Variants in UNC13C observed in about 807,000 individuals in gnomAD.
UNC13C encodes the protein unc-13 homolog C.
UNC13C carries 174 observed loss-of-function variants against 245.4 expected under a neutral mutation model. The observed-to-expected ratio is 0.71, with a 90% CI of 0.63 to 0.80. The LOEUF (loss-of-function observed/expected upper bound fraction) is 0.80. Ranked by LOEUF, UNC13C falls within the 30% of genes least tolerant of loss-of-function variation. The pLI is 0.00. For synonymous variants in UNC13C, 992 were observed against 895.1 expected (o/e 1.11, Z -1.93); for missense variants, 2,829 against 2,602.9 (o/e 1.09, Z -1.89).
At position 54,623,883 on chromosome 15, in the gene UNC13C, C is replaced by CAAG. The variant is rs1242426702; in HGVS notation, c.6293_6295dup (p.Lys2098dup). ...GTATACTGGGACCCAACCTTGGAGA[C>CAAG]AAGAAGAGAAAACAAGGCACAAAAA... On this transcript the variant is annotated inframe_insertion, in exon 32 of 33. Coordinates refer to ENST00000260323, the MANE Select transcript of UNC13C (RefSeq NM_001080534.3). 7 of 1,612,988 alleles carry CAAG rather than the reference C, an allele frequency of 4.3e-6. No homozygotes were observed. In the African/African-American group the frequency reaches 9.4e-5, roughly 22 times the overall value.
chr15:54,485,830 G>T (rs988882100), intron 19 of UNC13C, among the ~76,000 whole-genome samples: 2 of 152,112 alleles, frequency 1.3e-5, no homozygotes, highest in Non-Finnish European at 2.9e-5. Flanking sequence ...CACCAGGAAT[G>T]CTCTTCCAGA....
At chr15:53,935,281 G>A in the UNC13C span, among the ~76,000 whole-genome samples, 1 of 151,932 alleles carries the variant, frequency 6.6e-6, no homozygotes, top group Admixed American at 6.6e-5. Flanking sequence ...AATGTATGAA[G>A]GGCATTTCTC....
chr15:54,042,265 T>G (rs1595756351), intron 2 of UNC13C, among the ~76,000 whole-genome samples: 1 of 152,146 alleles, frequency 6.6e-6, no homozygotes, highest in East Asian at 1.9e-4. Context: ...ACATAAAGCA[T>G]GAAATGAAAA....
At chr15:54,359,154 C>T (rs11857277) in intron 17 of UNC13C, among the ~76,000 whole-genome samples, 71,016 of 151,642 alleles carry the variant, frequency 0.47, 16,983 homozygotes, top group East Asian at 0.74. Context: ...GTTGAACCCT[C>T]CTTGTATTCC....
At chr15:53,893,294 C>T in the UNC13C span, among the ~76,000 whole-genome samples, 2 of 152,202 alleles carry the variant, frequency 1.3e-5, no homozygotes, top group East Asian at 3.9e-4. Flanking sequence ...CTGTCAGCCC[C>T]TACTGGGAGT....
At chr15:53,873,538 T>C in the UNC13C span, among the ~76,000 whole-genome samples, 2 of 151,994 alleles carry the variant, frequency 1.3e-5, no homozygotes, top group African/African-American at 2.4e-5. Context: ...CTCTTTTGGA[T>C]TTTTTTTCCT....
At chr15:54,606,716 G>C (rs1899785999) in intron 30 of UNC13C, among the ~76,000 whole-genome samples, 1 of 152,190 alleles carries the variant, frequency 6.6e-6, no homozygotes, top group Non-Finnish European at 1.5e-5. Context: ...ATTGCTCAAA[G>C]TCATGCTGAG....
rs62010029 is a variant in UNC13C, at chr15:54,227,110, G to A, written c.3072-7920G>A. On this transcript the variant is annotated intron_variant, in intron 4 of 32. Coordinates refer to ENST00000260323, the MANE Select transcript of UNC13C (RefSeq NM_001080534.3). ...TGGAGGGTGAGCAGAGAAGAGCTTC[G>A]TGGAATGGCAGAATTGTTTTCAGGA... 3.8e-3 allele frequency among the ~76,000 whole-genome samples: 574 copies of A among 152,256 alleles called. 3 individuals are homozygous for A. The highest frequency in any genetic ancestry group is 5.8e-3 in the Non-Finnish European group (396 of 68,012).
intron 10 of UNC13C, among the ~76,000 whole-genome samples, chr15:54,276,119 G>A (rs1237131990): frequency 6.6e-6 from 1 of 151,968 alleles, no homozygotes; most frequent in Non-Finnish European, 1.5e-5. Flanking sequence ...TGTTTTCCTG[G>A]GGAGTAAGGA....
At chr15:54,043,753 A>G (rs757077842) in intron 2 of UNC13C, among the ~76,000 whole-genome samples, 3 of 152,090 alleles carry the variant, frequency 2.0e-5, no homozygotes, top group Non-Finnish European at 1.5e-5. Context: ...TACTCTTTTC[A>G]TCTATTCTGT....
At chr15:53,953,853 T>C in the UNC13C span, among the ~76,000 whole-genome samples, 1 of 152,250 alleles carries the variant, frequency 6.6e-6, no homozygotes, top group African/African-American at 2.4e-5. Context: ...TGCTCTTCCA[T>C]CTGCTGGAAG....
At chr15:54,633,190 G>T (rs1003814950), downstream of UNC13C, 1 of 151,976 alleles carries the variant, frequency 6.6e-6, no homozygotes, top group African/African-American at 2.4e-5. Context: ...CAGCCTACTG[G>T]GATTTTGACT....
chr15:53,983,776 C>T (rs192683648), intron 1 of UNC13C, among the ~76,000 whole-genome samples: 181 of 151,984 alleles, frequency 1.2e-3, no homozygotes, highest in Non-Finnish European at 2.0e-3. Flanking sequence ...GACAGGATTT[C>T]CACTAACATG....
At chr15:54,185,107 ACGGG>A (rs2033931698) in intron 4 of UNC13C, among the ~76,000 whole-genome samples, 2 of 151,784 alleles carry the variant, frequency 1.3e-5, no homozygotes, top group Admixed American at 1.3e-4. Flanking sequence ...TCACTTTTTG[ACGGG>A]GTTGTTTGTT....
chr15:54,110,643 T>C (rs899163436), intron 2 of UNC13C, among the ~76,000 whole-genome samples: 5 of 152,252 alleles, frequency 3.3e-5, no homozygotes, highest in Non-Finnish European at 7.3e-5. Flanking sequence ...CTATATGATG[T>C]CTTTTTGAGA....
At chr15:53,851,333 G>A in the UNC13C span, among the ~76,000 whole-genome samples, 48 of 152,082 alleles carry the variant, frequency 3.2e-4, no homozygotes, top group African/African-American at 4.1e-4. Context: ...CAGTTTGATC[G>A]TTTTGAGGCT....
chr15:53,923,161 A>G, the UNC13C span, among the ~76,000 whole-genome samples: 2 of 152,224 alleles, frequency 1.3e-5, no homozygotes, highest in African/African-American at 4.8e-5. Flanking sequence ...ATTCAGATCA[A>G]ATGACATAAT....
the UNC13C span, among the ~76,000 whole-genome samples, chr15:53,904,625 C>T: frequency 6.6e-6 from 1 of 152,082 alleles, no homozygotes; most frequent in African/African-American, 2.4e-5. Flanking sequence ...GTACGATATT[C>T]TGAACCTTAT....
intron 18 of UNC13C, among the ~76,000 whole-genome samples, chr15:54,398,892 C>A (rs2040124214): frequency 6.6e-6 from 1 of 151,326 alleles, no homozygotes; most frequent in Non-Finnish European, 1.5e-5. Flanking sequence ...TTTTACTGGT[C>A]TTAAGAAACA....
Sources: gnomAD v4.1 joint callset for allele counts (sites outside exome capture counted in the v4.1 genomes callset) on GRCh38, gnomAD v4.1.1 for gene constraint, MANE v1.5 for transcripts, NCBI Gene and HGNC (gene_info 2026-07-23, HGNC 2026-07-21) for gene names.